CCSER1: variants seen among roughly 807,000 people sequenced by gnomAD.
The protein encoded by CCSER1 is serine-rich coiled-coil domain-containing protein 1.
Under a neutral mutation model 82.0 loss-of-function variants are expected in CCSER1, and 41 were observed. That is an observed-to-expected ratio of 0.50 (90% confidence interval 0.39 to 0.65). The LOEUF (loss-of-function observed/expected upper bound fraction) is 0.65, where lower values mean the gene tolerates loss of function less well. Among genes scored for constraint, CCSER1 ranks in the 30% least tolerant of loss-of-function variants. The pLI, the probability that CCSER1 is intolerant of heterozygous loss-of-function variation, is 0.00. For synonymous variants in CCSER1, 414 were observed against 383.9 expected (o/e 1.08, Z -0.92); for missense variants, 1,119 against 1,064.2 (o/e 1.05, Z -0.72).
intron 4 of CCSER1, among the ~76,000 whole-genome samples, chr4:90,420,604 A>G (rs543425873): frequency 3.3e-5 from 5 of 152,028 alleles, no homozygotes; most frequent in African/African-American, 1.2e-4. Flanking sequence ...CTATATTTTT[A>G]AGAGGATTGC....
chr4:90,532,006 TA>T (rs1774597855), intron 5 of CCSER1, among the ~76,000 whole-genome samples: 1 of 151,544 alleles, frequency 6.6e-6, no homozygotes. Flanking sequence ...TTTAAGAGTA[TA>T]TATATATATA....
chr4:90,953,959 A>G (rs1733172827), intron 9 of CCSER1, among the ~76,000 whole-genome samples: 1 of 151,958 alleles, frequency 6.6e-6, no homozygotes, highest in Admixed American at 6.6e-5. Context: ...AGGTTCATAA[A>G]TTTTTCTTTA....
At chr4:90,236,929 T>G (rs1358669852) in intron 1 of CCSER1, among the ~76,000 whole-genome samples, 1 of 152,154 alleles carries the variant, frequency 6.6e-6, no homozygotes, top group Non-Finnish European at 1.5e-5. Context: ...TTTCTTAATT[T>G]TAAAGTTGGA....
At chr4:90,636,097 G>A (rs1232759584) in intron 6 of CCSER1, among the ~76,000 whole-genome samples, 4 of 151,824 alleles carry the variant, frequency 2.6e-5, no homozygotes, top group African/African-American at 9.7e-5. Flanking sequence ...ACTAGTGCCA[G>A]CAATGAATCT....
At chr4:90,798,497 GT>G (rs1175843328) in intron 7 of CCSER1, among the ~76,000 whole-genome samples, 1 of 151,774 alleles carries the variant, frequency 6.6e-6, no homozygotes, top group African/African-American at 2.4e-5. Flanking sequence ...TCTCACCCTG[GT>G]TTAGAACCTT....
chr4:90,167,631 C>T (rs960414398), intron 1 of CCSER1, among the ~76,000 whole-genome samples: 1 of 151,954 alleles, frequency 6.6e-6, no homozygotes, highest in South Asian at 2.1e-4. Context: ...CCCGTCCCCC[C>T]ACCCCACAAC....
intron 10 of CCSER1, among the ~76,000 whole-genome samples, chr4:91,355,883 G>A (rs1016125594): frequency 2.0e-5 from 3 of 152,190 alleles, no homozygotes; most frequent in African/African-American, 4.8e-5. Flanking sequence ...TGTTTCACTG[G>A]GCTCCCTGAT....
chr4:90,363,273 T>G (rs886638193), intron 3 of CCSER1, among the ~76,000 whole-genome samples: 2 of 152,180 alleles, frequency 1.3e-5, no homozygotes, highest in African/African-American at 4.8e-5. Context: ...TCATTTGATT[T>G]TGTTGCCTTC....
At chr4:90,449,729 A>G (rs1476736672) in intron 4 of CCSER1, among the ~76,000 whole-genome samples, 3 of 152,218 alleles carry the variant, frequency 2.0e-5, no homozygotes, top group African/African-American at 7.2e-5. Flanking sequence ...CCGAAATCAG[A>G]GCAGGCACCA....
At chr4:90,286,632 T>A (rs1729951093) in intron 1 of CCSER1, among the ~76,000 whole-genome samples, 1 of 152,072 alleles carries the variant, frequency 6.6e-6, no homozygotes, top group South Asian at 2.1e-4. Flanking sequence ...TACTGAACAT[T>A]TGTAACAGAT....
Position 91,061,526 on chromosome 4 carries a change from TTTTTA to T in CCSER1, c.2173-24404_2173-24400del, listed in dbSNP as rs568719228. ...ATATCCAGCTAGGAGAAAGGTGTTG[TTTTTA>T]TTTTATTTTATTTTATTTTTTTCTG... On this transcript the variant is annotated intron_variant, in intron 9 of 10. Transcript: ENST00000509176. Among the ~76,000 whole-genome samples the T allele has an allele frequency of 4.6e-5, 7 of 152,010 alleles. No individual in the cohort carries two copies. In the South Asian group the frequency reaches 6.2e-4, roughly 14 times the overall value.
chr4:91,411,502 A>ATATATATATAT (rs1257272668), intron 10 of CCSER1, among the ~76,000 whole-genome samples: 1 of 63,000 alleles, frequency 1.6e-5, no homozygotes, highest in Admixed American at 1.5e-4. Context: ...ATATATATAT[A>ATATATATATAT]TATATATATA....
chr4:90,155,386 G>A (rs2153356926), intron 1 of CCSER1, among the ~76,000 whole-genome samples: 1 of 152,154 alleles, frequency 6.6e-6, no homozygotes, highest in Non-Finnish European at 1.5e-5. Flanking sequence ...GGATGATGCT[G>A]GCCTCATAAA....
chr4:90,286,361 AAAAG>A (rs1450962104), intron 1 of CCSER1, among the ~76,000 whole-genome samples: 2 of 152,028 alleles, frequency 1.3e-5, no homozygotes, highest in African/African-American at 4.8e-5. Context: ...TATTGTTTGT[AAAAG>A]AAAGTGAAGC....
intron 10 of CCSER1, among the ~76,000 whole-genome samples, chr4:91,211,289 T>C (rs1291503692): frequency 2.6e-5 from 4 of 152,066 alleles, no homozygotes; most frequent in African/African-American, 7.2e-5. Flanking sequence ...ATTTGAGTTA[T>C]ATTTTGAAAT....
At chr4:90,982,409 T>A (rs181484357) in intron 9 of CCSER1, among the ~76,000 whole-genome samples, 14 of 151,818 alleles carry the variant, frequency 9.2e-5, no homozygotes, top group African/African-American at 2.7e-4. Context: ...TGAATTTGAA[T>A]GGAGGGAACA....
At chr4:91,334,524 A>G (rs1481719500) in intron 10 of CCSER1, among the ~76,000 whole-genome samples, 3 of 152,044 alleles carry the variant, frequency 2.0e-5, no homozygotes, top group Admixed American at 2.0e-4. Flanking sequence ...AGGTAGAGAA[A>G]AGAAAACACA....
intron 7 of CCSER1, among the ~76,000 whole-genome samples, chr4:90,806,542 C>T (rs1035189409): frequency 2.0e-5 from 3 of 152,192 alleles, no homozygotes; most frequent in African/African-American, 7.2e-5. Flanking sequence ...GATCCCATCT[C>T]AATAAAGGAC....
At chr4:91,043,213 G>A (rs537379502) in intron 9 of CCSER1, among the ~76,000 whole-genome samples, 7 of 151,806 alleles carry the variant, frequency 4.6e-5, no homozygotes, top group East Asian at 3.9e-4. Context: ...TGATGATAAG[G>A]CATTCACTAA....
Sources: allele counts gnomAD v4.1 joint callset (sites outside exome capture counted in the v4.1 genomes callset), GRCh38; gene constraint gnomAD v4.1.1; transcripts MANE v1.5; gene names NCBI Gene and HGNC (gene_info 2026-07-23, HGNC 2026-07-21).